The following TERF1 variants were observed in gnomAD, a reference collection of about 807,000 sequenced individuals.
TERF1 encodes the protein telomeric repeat-binding factor 1.
In TERF1, 20 loss-of-function variants were observed where a neutral mutation model predicts 55.1. That is an observed-to-expected ratio of 0.36 (90% CI 0.26 to 0.53). The LOEUF (loss-of-function observed/expected upper bound fraction) is 0.53. Among genes scored for constraint, TERF1 ranks in the 20% least tolerant of loss-of-function variants. TERF1 has a pLI of 0.91. For missense variants in TERF1, 439 were observed against 535.7 expected, an observed-to-expected ratio of 0.82 and a Z score of 1.78; for synonymous variants, 168 against 181.2, an observed-to-expected ratio of 0.93 and a Z score of 0.59.
At chr8:73,033,852 T>C (rs1277140024) in intron 8 of TERF1, among the ~76,000 whole-genome samples, 1 of 152,228 alleles carries the variant, frequency 6.6e-6, no homozygotes, top group Admixed American at 6.5e-5. Context: ...AAGTACGTTT[T>C]CTTAAAAAAA....
At chr8:73,039,011 T>C in intron 8 of TERF1, 105 bp from the exon 9 acceptor site, 1 of 889,500 alleles carries the variant, frequency 1.1e-6, no homozygotes, top group Non-Finnish European at 1.7e-6. Flanking sequence ...GTACTTTTTC[T>C]TAGAATAGCT....
chr8:73,014,871 C>T (rs995745578), intron 2 of TERF1, among the ~76,000 whole-genome samples: 1 of 152,234 alleles, frequency 6.6e-6, no homozygotes, highest in Non-Finnish European at 1.5e-5. Flanking sequence ...ATGGATAGAA[C>T]TAGATAGAGG....
chr8:73,034,778 G>T (rs988577084), intron 8 of TERF1, among the ~76,000 whole-genome samples: 1 of 94,658 alleles, frequency 1.1e-5, no homozygotes, highest in Non-Finnish European at 2.6e-5. Flanking sequence ...TATGAGATTA[G>T]TGCTTTTTTT....
At chr8:73,026,391 C>T (rs954560614) in intron 5 of TERF1, among the ~76,000 whole-genome samples, 18 of 149,432 alleles carry the variant, frequency 1.2e-4, no homozygotes, top group Non-Finnish European at 2.4e-4. Flanking sequence ...GTCCCAGCTA[C>T]CTAGGAGGCT....
At chr8:73,017,532 T>A (rs1808561417) in intron 2 of TERF1, among the ~76,000 whole-genome samples, 1 of 152,220 alleles carries the variant, frequency 6.6e-6, no homozygotes, top group Non-Finnish European at 1.5e-5. Context: ...CCTTGTAGTC[T>A]ACACTTAGTT....
Position 73,013,999 on chromosome 8 carries a change from G to A in TERF1, c.415+9G>A, listed in dbSNP as rs781727452. On this transcript the variant is annotated intron_variant, in intron 2 of 9. Coordinates refer to ENST00000276603, the MANE Select transcript of TERF1 (RefSeq NM_017489.3). ...AGCAGGAAAAACCCTTGGTAAATAT[G>A]TTTTTTTATTTTATATTGGAAATAT... 6.4e-7 allele frequency: 1 copy of A among 1,565,970 alleles called. No homozygotes were observed. Among genetic ancestry groups the A allele is most frequent in the Admixed American group, 1.7e-5 (1 of 58,554 alleles).
At chr8:73,044,062 C>T (rs1289309992) in intron 9 of TERF1, among the ~76,000 whole-genome samples, 1 of 152,146 alleles carries the variant, frequency 6.6e-6, no homozygotes, top group African/African-American at 2.4e-5. Context: ...TGTTGAAGTG[C>T]TTTTAATCAG....
chr8:73,045,017 T>C (rs972928536), intron 9 of TERF1, among the ~76,000 whole-genome samples: 6 of 152,226 alleles, frequency 3.9e-5, no homozygotes, highest in Admixed American at 6.5e-5. Context: ...AGGTCCCTGC[T>C]CTCGACTCTT....
chr8:73,035,786 C>T (rs1237001933), intron 8 of TERF1, among the ~76,000 whole-genome samples: 1 of 152,154 alleles, frequency 6.6e-6, no homozygotes, highest in Non-Finnish European at 1.5e-5. Context: ...GGAACACACC[C>T]AGTATATATG....
chr8:73,037,881 AATATG>A (rs1451697763), intron 8 of TERF1, among the ~76,000 whole-genome samples: 2 of 120,000 alleles, frequency 1.7e-5, no homozygotes, highest in African/African-American at 6.5e-5. Context: ...AATATATATA[AATATG>A]ATATATAATA....
At chr8:73,016,699 A>G (rs1389889143) in intron 2 of TERF1, among the ~76,000 whole-genome samples, 1 of 152,076 alleles carries the variant, frequency 6.6e-6, no homozygotes, top group East Asian at 1.9e-4. Context: ...AAACTCTGGG[A>G]GACTTAATGT....
intron 4 of TERF1, among the ~76,000 whole-genome samples, chr8:73,023,840 G>T (rs980695185): frequency 6.6e-6 from 1 of 152,184 alleles, no homozygotes; most frequent in Non-Finnish European, 1.5e-5. Flanking sequence ...TGTACTGCCT[G>T]CCATAACTTC....
At chr8:73,027,489 T>G (rs954349921) in intron 6 of TERF1, among the ~76,000 whole-genome samples, 1 of 152,224 alleles carries the variant, frequency 6.6e-6, no homozygotes, top group Non-Finnish European at 1.5e-5. Context: ...AGTGATTTGC[T>G]TTAATACTGG....
chr8:73,017,358 G>C (rs1194366809), intron 2 of TERF1, among the ~76,000 whole-genome samples: 3 of 152,126 alleles, frequency 2.0e-5, no homozygotes, highest in Non-Finnish European at 4.4e-5. Context: ...GTGTCTGCTT[G>C]TACTACTTGC....
intron 6 of TERF1, among the ~76,000 whole-genome samples, chr8:73,028,678 C>A (rs1365019517): frequency 6.9e-6 from 1 of 144,896 alleles, no homozygotes; most frequent in African/African-American, 2.5e-5. Context: ...TTTGTTCCTT[C>A]TATTTGAATT....
chr8:73,035,511 C>T (rs1159022303), intron 8 of TERF1, among the ~76,000 whole-genome samples: 8 of 151,572 alleles, frequency 5.3e-5, no homozygotes. Context: ...TGAATTCTGG[C>T]ATTGTTGAAT....
intron 1 of TERF1, 124 bp downstream of exon 1, chr8:73,009,329 G>A: frequency 1.1e-6 from 1 of 878,146 alleles, no homozygotes; most frequent in Non-Finnish European, 1.7e-6. Flanking sequence ...TTAGCTGGGA[G>A]TCCGAGGCTC....
At position 73,033,268 on chromosome 8, in the gene TERF1, T is replaced by G. The variant is rs372989879; in HGVS notation, c.1039+1135T>G. On this transcript the variant is annotated intron_variant, in intron 8 of 9. Coordinates refer to ENST00000276603, the MANE Select transcript of TERF1 (RefSeq NM_017489.3). ...TACATTCATAGATATCATTCCCATTTTTAAAGATGAGAAAACGGAAACTCA... is the reference window on the plus strand; with the variant it reads ...TACATTCATAGATATCATTCCCATTGTTAAAGATGAGAAAACGGAAACTCA... 2.0e-4 allele frequency among the ~76,000 whole-genome samples: 30 copies of G among 152,242 alleles called. No homozygotes were observed. In the South Asian group the frequency reaches 5.6e-3, roughly 28 times the overall value.
At chr8:73,029,936 T>TG (rs1478030365) in intron 6 of TERF1, 2 of 154,334 alleles carry the variant, frequency 1.3e-5, no homozygotes, top group Non-Finnish European at 2.9e-5. Context: ...TGGAGACTGG[T>TG]GGGGAGAACC....
Sources: allele counts gnomAD v4.1 joint callset (sites outside exome capture counted in the v4.1 genomes callset), GRCh38; gene constraint gnomAD v4.1.1; transcripts MANE v1.5; gene names NCBI Gene and HGNC (gene_info 2026-07-23, HGNC 2026-07-21).